Variants in SNAPC4 observed in about 807,000 individuals in gnomAD.
SNAPC4 encodes small nuclear RNA activating complex polypeptide 4, also known as snRNA-activating protein complex subunit 4.
A neutral mutation model predicts 151.3 loss-of-function variants in SNAPC4; 127 were observed. The observed-to-expected ratio is 0.84, with a 90% CI of 0.73 to 0.97. SNAPC4 has a LOEUF of 0.97. Ranked by LOEUF, SNAPC4 falls within the 50% of genes least tolerant of loss-of-function variation. The probability of loss-of-function intolerance (pLI) is 0.00; values close to 1 mark genes in which losing one functional copy is unlikely to be tolerated. For missense variants in SNAPC4, 2,186 were observed against 1,935.0 expected (o/e 1.13, Z -2.43); for synonymous variants, 1,002 against 824.4 (o/e 1.22, Z -3.69).
At chr9:136,393,708 C>A (rs1206372217) in intron 7 of SNAPC4, among the ~76,000 whole-genome samples, 1 of 152,130 alleles carries the variant, frequency 6.6e-6, no homozygotes, top group East Asian at 1.9e-4. Flanking sequence ...CGAGCCACAC[C>A]CCTCATCGTG....
At chr9:136,397,359 C>T (rs1292633103) in intron 2 of SNAPC4, among the ~76,000 whole-genome samples, 2 of 151,580 alleles carry the variant, frequency 1.3e-5, no homozygotes. Context: ...GGAGCTTAGC[C>T]GGTCAGATGG....
At chr9:136,379,681 C>G (rs1310455875) in intron 21 of SNAPC4, among the ~76,000 whole-genome samples, 156 bp downstream of exon 21, 2 of 152,200 alleles carry the variant, frequency 1.3e-5, no homozygotes, top group African/African-American at 4.8e-5. Context: ...CAGCCGGACT[C>G]TCATCCCTGT....
At chr9:136,400,102 C>T (rs1834404753) in intron 1 of SNAPC4, 32 bp downstream of exon 1, 1 of 152,170 alleles carries the variant, frequency 6.6e-6, no homozygotes, top group Non-Finnish European at 1.5e-5. Flanking sequence ...GCCGACGCCA[C>T]CCGCGCCTCA....
intron 9 of SNAPC4, 49 bp downstream of exon 9, chr9:136,392,473 G>A (rs775225737): frequency 2.6e-6 from 4 of 1,558,160 alleles, no homozygotes; most frequent in East Asian, 4.5e-5. Flanking sequence ...CCGGGCTACA[G>A]GGAGCTGTGC....
chr9:136,387,168 C>G (rs1470508366), intron 13 of SNAPC4, among the ~76,000 whole-genome samples: 1 of 152,258 alleles, frequency 6.6e-6, no homozygotes, highest in Non-Finnish European at 1.5e-5. Context: ...GAGGTCCTGC[C>G]TATCAGCATT....
Position 136,376,467 on chromosome 9 carries a change from AGAGTCT to A in SNAPC4, c.4293_4298del (p.Asp1432_Ser1433del). The stretch of plus-strand genomic sequence containing the variant: ...GGCAGGAGGAAGCAGAGCATTTACC[AGAGTCT>A]GGGGCTCCCTGAAAGAAAATCCAGG... On this transcript the variant is annotated inframe_deletion, in exon 23 of 24. Coordinates refer to ENST00000684778, the MANE Select transcript of SNAPC4 (RefSeq NM_003086.4). 1 of 1,613,222 alleles carries A rather than the reference AGAGTCT, an allele frequency of 6.2e-7. No homozygotes were observed. The highest frequency in any genetic ancestry group is 8.5e-7 in the Non-Finnish European group (1 of 1,179,830).
intron 3 of SNAPC4, 148 bp downstream of exon 3, chr9:136,396,829 T>A (rs1834290429): frequency 5.5e-6 from 4 of 726,630 alleles, no homozygotes; most frequent in Non-Finnish European, 9.9e-6. Context: ...CAATGACAAA[T>A]GCTTTTTAAT....
chr9:136,381,770 C>A, intron 18 of SNAPC4, 54 bp downstream of exon 18: 2 of 1,569,294 alleles, frequency 1.3e-6, no homozygotes, highest in Non-Finnish European at 1.7e-6. Flanking sequence ...TGGATGTACT[C>A]TTCATCCTCA....
At position 136,389,829 on chromosome 9, in the gene SNAPC4, T is replaced by A. The variant is rs1392551800; in HGVS notation, c.976-1238A>T. Among the ~76,000 whole-genome samples, 5 of 152,252 alleles carry A rather than the reference T, an allele frequency of 3.3e-5. No individual in the cohort carries two copies. In the East Asian group the frequency reaches 9.7e-4, roughly 29 times the overall value. ...CTCTCAAAGGGGGCTGGAGGGTGGC[T>A]GGAGTGAAGCTGGAGGGAGGCTGCT... is the stretch of plus-strand genomic sequence containing the variant. On this transcript the variant is annotated intron_variant, in intron 10 of 23. Transcript: ENST00000684778.
Position 136,378,429 on chromosome 9 carries a change from G to A in SNAPC4, c.3398C>T (p.Ser1133Phe). 1 of 1,599,040 alleles carries A rather than the reference G, an allele frequency of 6.3e-7. No individual in the cohort carries two copies. Among genetic ancestry groups the A allele is most frequent in the Non-Finnish European group, 8.5e-7 (1 of 1,175,464 alleles). Residue 1133 changes from serine (S) to phenylalanine (F), a missense_variant, in exon 22 of 24, where the codon TCT becomes TTT. Ser to Phe is a radical substitution (Grantham distance 155, BLOSUM62 -2). Coordinates refer to ENST00000684778, the MANE Select transcript of SNAPC4 (RefSeq NM_003086.4). ...GTTCATATTGGCTGGGGGCTGCCAA[G>A]AGCTGCTCAACGCTGGGGCCCTGGG... Reference protein sequence around the residue: ...QGPRAPALSSSWQPPANMNRE... With the variant: ...QGPRAPALSSFWQPPANMNRE...
intron 7 of SNAPC4, among the ~76,000 whole-genome samples, chr9:136,393,654 G>A (rs1200621006): frequency 1.3e-5 from 2 of 151,448 alleles, no homozygotes; most frequent in African/African-American, 2.4e-5. Flanking sequence ...CCCATGCCCC[G>A]AGCCACACCT....
Position 136,392,050 on chromosome 9 carries a change from G to A in SNAPC4, c.867C>T (p.His289=), listed in dbSNP as rs781706725. The part of the protein sequence containing the change: ...EIRKFWQNSE[H]PSINKQEWSR... ...TCCACTCCTGCTTGTTGATGCTGGG[G>A]TGCTCCGAGTTCTGCCAGAACTTCC... is the stretch of plus-strand genomic sequence containing the variant. The change falls in exon 10 of 24, where the codon CAC becomes CAT. Residue 289 remains histidine, a synonymous_variant. Transcript: ENST00000684778. The A allele has an allele frequency of 1.2e-6, 2 of 1,612,532 alleles. No homozygotes were observed. Among genetic ancestry groups the A allele is most frequent in the East Asian group, 2.2e-5 (1 of 44,846 alleles).
In SNAPC4 at chr9:136,398,318, G is replaced by T. The variant is rs150442706; in HGVS notation, c.111C>A (p.Leu37=). 1 of 1,612,758 alleles carries T rather than the reference G, an allele frequency of 6.2e-7. No homozygotes were observed. Among genetic ancestry groups the T allele is most frequent in the Non-Finnish European group, 8.5e-7 (1 of 1,179,378 alleles). The change falls in exon 2 of 24, where the codon CTC becomes CTA. Residue 37 remains leucine, a synonymous_variant. Transcript: ENST00000684778. The part of the protein sequence containing the change: ...GSHVEISESS[L]ESDSEADSLP... ...GCTTACCTGCTTCAGAATCTGACTC[G>T]AGACTTGATTCTGAGATCTCCACGT...
intron 12 of SNAPC4, 30 bp from the exon 13 acceptor site, chr9:136,387,609 G>A: frequency 3.2e-6 from 5 of 1,544,562 alleles, no homozygotes; most frequent in Non-Finnish European, 4.5e-6. Flanking sequence ...GACAAGTGAA[G>A]CCTCTGCAGG....
intron 10 of SNAPC4, 40 bp downstream of exon 10, chr9:136,391,902 T>A: frequency 3.8e-6 from 6 of 1,587,770 alleles, no homozygotes; most frequent in Non-Finnish European, 5.1e-6. Context: ...CCACACGCCC[T>A]CAGGTCTCCT....
chr9:136,378,666 G>C lies in SNAPC4; in HGVS notation c.3161C>G (p.Pro1054Arg). Residue 1054 changes from proline to arginine, a missense_variant, in exon 22 of 24, where the codon CCC (proline) becomes CGC (arginine). Pro to Arg is a moderately radical substitution (Grantham distance 103). Transcript: ENST00000684778. ...GTGCGTCAGGCTGAGGGGCTGGACG[G>C]GCAGTGGGGTGGGGCTGGGGGCTGC... Reference protein sequence around the residue: ...LPAAPSPTPLPVQPLSLTHIG... With the variant: ...LPAAPSPTPLRVQPLSLTHIG... The C allele has an allele frequency of 6.6e-7, 1 of 1,511,108 alleles. No homozygotes were observed. The highest frequency in any genetic ancestry group is 1.3e-5 in the South Asian group (1 of 76,398). 93.6% of individuals were successfully genotyped at this position (1,511,108 alleles called of 1,614,324 possible).
In SNAPC4 at chr9:136,376,253, C is replaced by T. The variant is rs549294299; in HGVS notation, c.*7+96G>A. The T allele has an allele frequency of 3.1e-5, 45 of 1,445,718 alleles. No homozygotes were observed. The Middle Eastern group carries it at 7.4e-4, about 24-fold the overall frequency. 89.6% of individuals were successfully genotyped at this position (1,445,718 alleles called of 1,614,324 possible). A position where few individuals can be genotyped will look rare whatever the true frequency, so the allele number is the denominator to read the frequency against. On this transcript the variant is annotated intron_variant, in intron 23 of 23. Coordinates refer to ENST00000684778, the MANE Select transcript of SNAPC4 (RefSeq NM_003086.4). ...CCTAACCCAGCACACCTGCTGTGAG[C>T]GCCAAAGAGCCGAGCAGAGGCCAAG...
Position 136,387,975 on chromosome 9 carries a change from G to GA in SNAPC4, c.1124-128dup, listed in dbSNP as rs1420946208. The stretch of plus-strand genomic sequence containing the variant: ...CCCTCCAGATGGGTCACATAGAAAA[G>GA]AATCACTTTGGCCAGGTGCAGTGGC... On this transcript the variant is annotated intron_variant, in intron 11 of 23. Coordinates refer to ENST00000684778, the MANE Select transcript of SNAPC4 (RefSeq NM_003086.4). 5 of 657,778 alleles carry GA rather than the reference G, an allele frequency of 7.6e-6. No individual in the cohort carries two copies. In the African/African-American group the frequency reaches 9.0e-5, roughly 12 times the overall value. 40.7% of individuals were successfully genotyped at this position (657,778 alleles called of 1,614,324 possible).
chr9:136,394,246 T>C lies in SNAPC4; in HGVS notation c.632+3A>G. On this transcript the variant is annotated splice_donor_region_variant and intron_variant, in intron 7 of 23. Transcript: ENST00000684778. The stretch of plus-strand genomic sequence containing the variant: ...CGTTTTTGACTTATGGTTTTAGACT[T>C]ACTTCAGTAACTTGGGCTGAAGCAA... The C allele has an allele frequency of 6.2e-7, 1 of 1,611,302 alleles. No homozygotes were observed. The highest frequency in any genetic ancestry group is 8.5e-7 in the Non-Finnish European group (1 of 1,177,568).
Sources: gnomAD v4.1 joint callset for allele counts (sites outside exome capture counted in the v4.1 genomes callset) on GRCh38, gnomAD v4.1.1 for gene constraint, MANE v1.5 for transcripts, NCBI Gene and HGNC (gene_info 2026-07-23, HGNC 2026-07-21) for gene names.